Variants in SGCZ observed in about 807,000 individuals in gnomAD.
SGCZ encodes the protein zeta-sarcoglycan.
Under a neutral mutation model 41.3 loss-of-function variants are expected in SGCZ, and 40 were observed. The observed-to-expected ratio is 0.97, with a 90% CI of 0.75 to 1.26. The LOEUF (loss-of-function observed/expected upper bound fraction) is 1.26, where lower values mean the gene tolerates loss of function less well. Ranked by LOEUF, SGCZ falls within the 50% of genes most tolerant of loss-of-function variation. The probability of loss-of-function intolerance (pLI) is 0.00; values close to 1 mark genes in which losing one functional copy is unlikely to be tolerated. For missense variants in SGCZ, 552 were observed against 369.8 expected (o/e 1.49, Z -4.04); for synonymous variants, 206 against 137.5 (o/e 1.50, Z -3.49).
rs1231860488 is a variant in SGCZ at position 14,652,692 on chromosome 8, C to T, written c.40-97766G>A. On this transcript the variant is annotated intron_variant, in intron 1 of 7. Coordinates refer to ENST00000382080, the MANE Select transcript of SGCZ (RefSeq NM_139167.4). ...AAATTAGTTAGGTATAATATTAACA[C>T]TAAAATTGAATAGGAAAGGAAAGTT... is the stretch of plus-strand genomic sequence containing the variant. Among the ~76,000 whole-genome samples, 4 of 152,008 alleles carry T rather than the reference C, an allele frequency of 2.6e-5. 1 individual carries two copies. Among genetic ancestry groups the T allele is most frequent in the African/African-American group, 9.7e-5 (4 of 41,354 alleles).
At chr8:14,536,335 A>G (rs1011886042) in intron 2 of SGCZ, among the ~76,000 whole-genome samples, 4 of 151,918 alleles carry the variant, frequency 2.6e-5, no homozygotes, top group Non-Finnish European at 5.9e-5. Context: ...CAAAGTCAGA[A>G]AAATGATCTG....
intron 3 of SGCZ, among the ~76,000 whole-genome samples, chr8:14,253,820 T>C (rs1482742536): frequency 1.3e-5 from 2 of 152,090 alleles, no homozygotes; most frequent in African/African-American, 2.4e-5. Flanking sequence ...CATTAGCAAA[T>C]ATTGGTATAA....
chr8:14,674,750 C>G (rs1231140825), intron 1 of SGCZ, among the ~76,000 whole-genome samples: 3 of 151,574 alleles, frequency 2.0e-5, no homozygotes, highest in Non-Finnish European at 4.4e-5. Flanking sequence ...CTCAAGAGAT[C>G]TGATCATTTA....
At chr8:14,123,433 G>T (rs1001146059) in intron 5 of SGCZ, among the ~76,000 whole-genome samples, 1 of 152,134 alleles carries the variant, frequency 6.6e-6, no homozygotes, top group Non-Finnish European at 1.5e-5. Context: ...TCCTATAAAT[G>T]ATTACTATAC....
At chr8:14,845,394 A>C (rs1304032258) in intron 1 of SGCZ, among the ~76,000 whole-genome samples, 2 of 149,790 alleles carry the variant, frequency 1.3e-5, no homozygotes, top group Non-Finnish European at 2.9e-5. Context: ...GTTATACAAA[A>C]ATACAAAAAG....
intron 1 of SGCZ, among the ~76,000 whole-genome samples, chr8:15,076,417 T>G (rs1007456859): frequency 1.3e-5 from 2 of 152,044 alleles, no homozygotes; most frequent in African/African-American, 4.8e-5. Flanking sequence ...CAGAAAGAGT[T>G]TGAGATTAAT....
intron 1 of SGCZ, among the ~76,000 whole-genome samples, chr8:15,157,520 T>C (rs1223414306): frequency 6.6e-6 from 1 of 152,146 alleles, no homozygotes; most frequent in African/African-American, 2.4e-5. Flanking sequence ...TTGGAGTTCA[T>C]ACAAATTCAC....
At chr8:14,520,614 T>C (rs968599104) in intron 2 of SGCZ, among the ~76,000 whole-genome samples, 4 of 151,946 alleles carry the variant, frequency 2.6e-5, no homozygotes, top group Non-Finnish European at 5.9e-5. Context: ...CTTAACAACA[T>C]GAATGAAGCA....
At position 14,361,467 on chromosome 8, in the gene SGCZ, G is replaced by A. The variant is rs561144306; in HGVS notation, c.235-37263C>T. On this transcript the variant is annotated intron_variant, in intron 2 of 7. Coordinates refer to ENST00000382080, the MANE Select transcript of SGCZ (RefSeq NM_139167.4). ...CTGATATCCTTTCTTCTGCTTCATC[G>A]AATCTGCTATTGAAGCTTGTGTATG... 1.3e-4 allele frequency among the ~76,000 whole-genome samples: 19 copies of A among 151,984 alleles called. No individual in the cohort carries two copies. In the South Asian group the frequency reaches 1.9e-3, roughly 15 times the overall value.
chr8:14,534,685 A>G (rs17247795), intron 2 of SGCZ, among the ~76,000 whole-genome samples: 65,920 of 151,400 alleles, frequency 0.44, 14,639 homozygotes, highest in Middle Eastern at 0.61. Flanking sequence ...GGGAAAGGGT[A>G]CAAGGTAACA....
intron 3 of SGCZ, among the ~76,000 whole-genome samples, chr8:14,276,981 T>C (rs1800257912): frequency 6.6e-6 from 1 of 152,210 alleles, no homozygotes; most frequent in African/African-American, 2.4e-5. Flanking sequence ...TTGGCCCCTA[T>C]GCTCAGACCT....
At chr8:14,441,599 G>T (rs187762589) in intron 2 of SGCZ, among the ~76,000 whole-genome samples, 13 of 152,144 alleles carry the variant, frequency 8.5e-5, no homozygotes. Flanking sequence ...TAAAATAAAA[G>T]ATAAAATGAT....
chr8:14,427,229 G>A (rs952640904), intron 2 of SGCZ, among the ~76,000 whole-genome samples: 1 of 152,024 alleles, frequency 6.6e-6, no homozygotes, highest in Non-Finnish European at 1.5e-5. Context: ...AATAACTAAT[G>A]ACTACTAGCC....
intron 1 of SGCZ, among the ~76,000 whole-genome samples, chr8:14,682,846 T>C (rs924193852): frequency 1.3e-5 from 2 of 152,188 alleles, no homozygotes; most frequent in Non-Finnish European, 2.9e-5. Context: ...TCCAAACTGA[T>C]TGATTTAAAG....
rs369759068 is a variant in SGCZ at position 14,523,380 on chromosome 8, T to A, written c.234+31352A>T. On this transcript the variant is annotated intron_variant, in intron 2 of 7. Coordinates refer to ENST00000382080, the MANE Select transcript of SGCZ (RefSeq NM_139167.4). ...GAATATTTCTTCATTTTGTCCTCCA[T>A]CTGATAATGTCTTAAATTTCTCTAC... is the stretch of plus-strand genomic sequence containing the variant. Among the ~76,000 whole-genome samples the A allele has an allele frequency of 1.6e-4, 25 of 152,164 alleles. No individual in the cohort carries two copies. The East Asian group carries it at 4.5e-3, about 27-fold the overall frequency.
intron 1 of SGCZ, among the ~76,000 whole-genome samples, chr8:15,121,884 T>C (rs1807492136): frequency 7.2e-6 from 1 of 139,830 alleles, no homozygotes; most frequent in African/African-American, 2.6e-5. Context: ...ACATGGGCTT[T>C]CTTTTCGGCA....
chr8:14,412,853 C>T (rs1463877605), intron 2 of SGCZ, among the ~76,000 whole-genome samples: 1 of 151,908 alleles, frequency 6.6e-6, no homozygotes, highest in African/African-American at 2.4e-5. Context: ...CATTCTGAAA[C>T]TTGATAGATA....
At chr8:14,483,565 T>C (rs1801592482) in intron 2 of SGCZ, among the ~76,000 whole-genome samples, 1 of 152,166 alleles carries the variant, frequency 6.6e-6, no homozygotes, top group Non-Finnish European at 1.5e-5. Flanking sequence ...AGTGACACCC[T>C]GTCTCAGAAA....
chr8:14,884,672 A>T (rs1488174344), intron 1 of SGCZ, among the ~76,000 whole-genome samples: 2 of 152,180 alleles, frequency 1.3e-5, no homozygotes, highest in African/African-American at 4.8e-5. Context: ...CCAAGAGGGC[A>T]TTCACTTATT....
Sources: gnomAD v4.1 joint callset for allele counts (sites outside exome capture counted in the v4.1 genomes callset) on GRCh38, gnomAD v4.1.1 for gene constraint, MANE v1.5 for transcripts, NCBI Gene and HGNC (gene_info 2026-07-23, HGNC 2026-07-21) for gene names.